The following COL4A3 variants were observed in gnomAD, a reference collection of about 807,000 sequenced individuals.
The protein encoded by COL4A3 is collagen type IV alpha 3 chain.
Under a neutral mutation model 217.4 loss-of-function variants are expected in COL4A3, and 135 were observed. The ratio of observed to expected loss-of-function variants is 0.62; its 90% CI spans 0.54 to 0.72. The LOEUF (loss-of-function observed/expected upper bound fraction) is 0.72, where lower values mean the gene tolerates loss of function less well. Ranked by LOEUF, COL4A3 falls within the 30% of genes least tolerant of loss-of-function variation. The pLI, the probability that COL4A3 is intolerant of heterozygous loss-of-function variation, is 0.00. For missense variants in COL4A3, 1,868 were observed against 2,119.9 expected, an observed-to-expected ratio of 0.88 and a Z score of 2.33; for synonymous variants, 690 against 736.3, an observed-to-expected ratio of 0.94 and a Z score of 1.02.
Position 227,273,119 on chromosome 2 carries a change from T to C in COL4A3, c.1927+2T>C, listed in dbSNP as rs1158937060. On this transcript the variant is annotated splice_donor_variant, in intron 26 of 51. Coordinates refer to ENST00000396578, the MANE Select transcript of COL4A3 (RefSeq NM_000091.5). LOFTEE classifies it high-confidence loss of function. ...CCCCCGGACCACCCGGAGAAGCCGG[T>C]TGGTTAGTTTTCTTTCCAGTCCTGT... 3.1e-6 allele frequency: 5 copies of C among 1,612,822 alleles called. No homozygotes were observed. The highest frequency in any genetic ancestry group is 2.2e-5 in the East Asian group (1 of 44,864).
At chr2:227,237,329 C>A (rs570708451) in intron 1 of COL4A3, among the ~76,000 whole-genome samples, 1 of 152,158 alleles carries the variant, frequency 6.6e-6, no homozygotes, top group Admixed American at 6.5e-5. Context: ...ACCTTAATAT[C>A]ACCTATGGAA....
chr2:227,244,448 A>G (rs1249040049), intron 4 of COL4A3, 84 bp downstream of exon 4: 5 of 1,262,252 alleles, frequency 4.0e-6, no homozygotes, highest in East Asian at 4.6e-5. Context: ...AAAGGAGTAC[A>G]CTGTGTATGG....
At chr2:227,218,080 C>CTATATATATATATATATATATATATATA (rs10606625) in intron 1 of COL4A3, among the ~76,000 whole-genome samples, 15 of 118,366 alleles carry the variant, frequency 1.3e-4, no homozygotes, top group South Asian at 2.5e-4. Context: ...ATATATATAG[C>CTATATATATATATATATATATATATATA]TATATATATA....
At chr2:227,208,913 T>C (rs1440346286) in intron 1 of COL4A3, among the ~76,000 whole-genome samples, 1 of 152,136 alleles carries the variant, frequency 6.6e-6, no homozygotes, top group Admixed American at 6.6e-5. Context: ...TTCAAATATG[T>C]TAAAATTTTC....
chr2:227,203,703 A>G (rs1405312133), intron 1 of COL4A3, among the ~76,000 whole-genome samples: 1 of 42,876 alleles, frequency 2.3e-5, no homozygotes, highest in Non-Finnish European at 3.9e-5. Flanking sequence ...GTGTGTATAT[A>G]TGTGTATATA....
chr2:227,244,005 C>A (rs893374708), intron 3 of COL4A3, among the ~76,000 whole-genome samples: 4 of 152,154 alleles, frequency 2.6e-5, no homozygotes, highest in Admixed American at 6.6e-5. Context: ...GTTAAACATG[C>A]AGATTCTCGG....
At chr2:227,262,874 A>G (rs1438836028) in intron 20 of COL4A3, among the ~76,000 whole-genome samples, 1 of 152,176 alleles carries the variant, frequency 6.6e-6, no homozygotes, top group African/African-American at 2.4e-5. Context: ...GTTTGATAGC[A>G]CAGTAGGGTG....
At chr2:227,218,063 AATAACTATATAT>A (rs1174950735) in intron 1 of COL4A3, among the ~76,000 whole-genome samples, 1 of 107,840 alleles carries the variant, frequency 9.3e-6, no homozygotes, top group African/African-American at 3.2e-5. Flanking sequence ...CTATATATAA[AATAACTATATAT>A]ATAGCTATAT....
intron 16 of COL4A3, 62 bp from the exon 17 acceptor site, chr2:227,256,281 C>T: frequency 6.8e-7 from 1 of 1,465,416 alleles, no homozygotes; most frequent in Non-Finnish European, 9.6e-7. Context: ...ATTGCACCTG[C>T]TCCCCCAGAA....
chr2:227,283,175 T>C (rs1260338926), intron 32 of COL4A3, among the ~76,000 whole-genome samples: 1 of 152,240 alleles, frequency 6.6e-6, no homozygotes, highest in African/African-American at 2.4e-5. Context: ...TGTATAATTG[T>C]TTTAATTTCA....
chr2:227,286,227 C>T (rs2072313559), intron 34 of COL4A3, among the ~76,000 whole-genome samples: 1 of 152,146 alleles, frequency 6.6e-6, no homozygotes, highest in Non-Finnish European at 1.5e-5. Flanking sequence ...CACAGTGGCT[C>T]ACGGCTGTAA....
intron 11 of COL4A3, among the ~76,000 whole-genome samples, chr2:227,251,984 G>A (rs1027435187): frequency 1.0e-4 from 15 of 144,772 alleles, no homozygotes; most frequent in South Asian, 4.4e-4. Context: ...CAGGAAAATC[G>A]CTTGAACCTG....
At chr2:227,240,367 G>C in intron 3 of COL4A3, 135 bp downstream of exon 3, 2 of 810,408 alleles carry the variant, frequency 2.5e-6, no homozygotes. Context: ...CCTGGTTTCC[G>C]GTATTAGTGG....
rs971817427 is a variant in COL4A3, at chr2:227,253,160, T to C, written c.646-136T>C. On this transcript the variant is annotated intron_variant, in intron 11 of 51. Transcript: ENST00000396578. This position sits in a 1 kb window ranked among gnomAD's most constrained non-coding sequence, Gnocchi z 4.4. ...CATATCAATGCTCTTCTCTAAGAAA[T>C]AGCTAAAATATGTATCATTCTAAAA... The C allele has an allele frequency of 1.3e-6, 1 of 748,328 alleles. No homozygotes were observed. Among genetic ancestry groups the C allele is most frequent in the Admixed American group, 2.5e-5 (1 of 40,242 alleles). The allele number at this position is 748,328 out of a possible 1,614,324, so 46.4% of individuals were successfully genotyped here. A position where few individuals can be genotyped will look rare whatever the true frequency, so the allele number is the denominator to read the frequency against.
intron 43 of COL4A3, among the ~76,000 whole-genome samples, chr2:227,299,493 A>G (rs1422377639): frequency 1.3e-5 from 2 of 152,158 alleles, no homozygotes; most frequent in African/African-American, 2.4e-5. Flanking sequence ...ATTACCTCCC[A>G]CTGGGTCCTT....
At chr2:227,181,312 A>G (rs1457544072) in intron 1 of COL4A3, among the ~76,000 whole-genome samples, 1 of 152,224 alleles carries the variant, frequency 6.6e-6, no homozygotes, top group Non-Finnish European at 1.5e-5. Context: ...CAGGGTCGGC[A>G]GTATAAATTC....
intron 33 of COL4A3, 53 bp downstream of exon 33, chr2:227,283,909 T>C (rs1360051220): frequency 4.1e-6 from 6 of 1,466,102 alleles, no homozygotes; most frequent in Non-Finnish European, 5.7e-6. Flanking sequence ...AATGTTCATT[T>C]ATTTTGCAGC....
chr2:227,205,646 T>C (rs2067073391), intron 1 of COL4A3, among the ~76,000 whole-genome samples: 1 of 152,148 alleles, frequency 6.6e-6, no homozygotes, highest in Non-Finnish European at 1.5e-5. Flanking sequence ...TTATCAATAA[T>C]AGTATTACAT....
In COL4A3 at chr2:227,170,207, A is replaced by AT. The variant is rs1387569268; in HGVS notation, c.87+5397dup. On this transcript the variant is annotated intron_variant, in intron 1 of 51. Transcript: ENST00000396578. Reference sequence around the variant, plus strand: ...TCAAGCAATATTATTGAATTTTCTTATTTAACAGTTTGTAGATACTCTTAG... The same window carrying AT: ...TCAAGCAATATTATTGAATTTTCTTATTTTAACAGTTTGTAGATACTCTTAG... Among the ~76,000 whole-genome samples the AT allele has an allele frequency of 4.0e-5, 6 of 150,064 alleles. No homozygotes were observed. The Admixed American group carries it at 4.0e-4, about 10-fold the overall frequency.
Sources: allele counts gnomAD v4.1 joint callset (sites outside exome capture counted in the v4.1 genomes callset), GRCh38; gene constraint gnomAD v4.1.1; non-coding constraint Gnocchi (gnomAD v3.1); transcripts MANE v1.5; gene names NCBI Gene and HGNC (gene_info 2026-07-23, HGNC 2026-07-21).